FALEC: variants seen among roughly 807,000 people sequenced by gnomAD.
FALEC encodes focally amplified lncRNA on chromosome 1.
downstream of FALEC, among the ~76,000 whole-genome samples, chr1:150,522,904 CAT>C (rs1335307441): frequency 1.1e-3 from 81 of 72,108 alleles, 7 homozygotes; most frequent in African/African-American, 3.7e-3. Context: ...TATATATATA[CAT>C]ATATATACAT....
At chr1:150,522,090 C>CA (rs945012583), downstream of FALEC, among the ~76,000 whole-genome samples, 24 of 151,708 alleles carry the variant, frequency 1.6e-4, no homozygotes, top group African/African-American at 5.6e-4. Flanking sequence ...ACTAAAAATA[C>CA]AAAAAAATTA....
the FALEC span, among the ~76,000 whole-genome samples, chr1:150,529,016 C>CAAAAAAAAAAACAAA: frequency 3.4e-5 from 2 of 59,290 alleles, no homozygotes; most frequent in East Asian, 4.2e-4. Flanking sequence ...AAATAAATAG[C>CAAAAAAAAAAACAAA]AAAAAAAAAA....
downstream of FALEC, among the ~76,000 whole-genome samples, chr1:150,518,294 G>A (rs1412146013): frequency 1.3e-5 from 2 of 151,812 alleles, no homozygotes; most frequent in Non-Finnish European, 2.9e-5. Flanking sequence ...AGTTGTTTAG[G>A]CCAGAGAATA....
chr1:150,518,475 C>G (rs1289830567), downstream of FALEC, among the ~76,000 whole-genome samples: 2 of 151,718 alleles, frequency 1.3e-5, no homozygotes, highest in African/African-American at 4.8e-5. Context: ...ACCTGTGCCC[C>G]CTGGGTTCAA....
the FALEC span, among the ~76,000 whole-genome samples, chr1:150,527,522 G>T: frequency 5.9e-5 from 9 of 152,294 alleles, no homozygotes; most frequent in African/African-American, 2.2e-4. Flanking sequence ...GCCTCCCAAA[G>T]TGATGGGATT....
chr1:150,523,651 CAAAAA>C, the FALEC span, among the ~76,000 whole-genome samples: 4 of 109,010 alleles, frequency 3.7e-5, no homozygotes, highest in Non-Finnish European at 7.4e-5. Flanking sequence ...GAGACTCCGT[CAAAAA>C]AAAAAAAAAA....
At chr1:150,527,156 G>A in the FALEC span, among the ~76,000 whole-genome samples, 10 of 149,282 alleles carry the variant, frequency 6.7e-5, no homozygotes, top group Non-Finnish European at 1.0e-4. Context: ...GGTCAGGCTG[G>A]TCTCGAACTC....
At chr1:150,520,406 T>C (rs1186753749), downstream of FALEC, among the ~76,000 whole-genome samples, 1 of 152,182 alleles carries the variant, frequency 6.6e-6, no homozygotes, top group Admixed American at 6.6e-5. Context: ...TCATATAATG[T>C]GCCTATAATA....
chr1:150,526,999 G>A, the FALEC span, among the ~76,000 whole-genome samples: 13 of 149,464 alleles, frequency 8.7e-5, no homozygotes, highest in East Asian at 2.4e-3. Flanking sequence ...GCAGTGGTGC[G>A]ATCTCGGCTT....
intron 1 of FALEC, among the ~76,000 whole-genome samples, chr1:150,517,620 C>T (rs1369125667): frequency 1.3e-5 from 2 of 152,160 alleles, no homozygotes; most frequent in African/African-American, 4.8e-5. Context: ...TCTTCCTGCC[C>T]TGTGAGATAC....
the FALEC span, among the ~76,000 whole-genome samples, chr1:150,532,132 C>G: frequency 6.6e-6 from 1 of 152,208 alleles, no homozygotes; most frequent in East Asian, 1.9e-4. Flanking sequence ...TGGTCTTGAT[C>G]TCCTGACCTC....
At chr1:150,519,202 C>G (rs928315409), downstream of FALEC, among the ~76,000 whole-genome samples, 1 of 152,134 alleles carries the variant, frequency 6.6e-6, no homozygotes, top group Non-Finnish European at 1.5e-5. Flanking sequence ...TTCCTGATGA[C>G]GCCCTCCTCC....
the FALEC span, among the ~76,000 whole-genome samples, chr1:150,529,924 C>A: frequency 6.6e-6 from 1 of 151,918 alleles, no homozygotes; most frequent in East Asian, 1.9e-4. Flanking sequence ...ATGCAAAATG[C>A]GGTGTGTCTG....
upstream of FALEC, chr1:150,515,752 G>C (rs949044416): frequency 3.3e-5 from 5 of 152,436 alleles, no homozygotes; most frequent in African/African-American, 9.6e-5. Flanking sequence ...ATGTGCGGGC[G>C]TCCTGCGCAT....
At chr1:150,518,677 C>T (rs1040001410), downstream of FALEC, among the ~76,000 whole-genome samples, 30 of 151,818 alleles carry the variant, frequency 2.0e-4, no homozygotes, top group Non-Finnish European at 3.8e-4. Flanking sequence ...CGTGAGCCAC[C>T]GTGCCCAGCA....
the FALEC span, among the ~76,000 whole-genome samples, chr1:150,525,158 G>A: frequency 6.2e-4 from 95 of 152,124 alleles, 1 homozygote; most frequent in East Asian, 5.8e-4. Flanking sequence ...ATGGTGGCAC[G>A]CATCTGTAAT....
chr1:150,528,574 T>A, the FALEC span, among the ~76,000 whole-genome samples: 1 of 151,854 alleles, frequency 6.6e-6, no homozygotes, highest in Non-Finnish European at 1.5e-5. Context: ...GTAATTATTA[T>A]TACTATTAAT....
chr1:150,515,785 G>A (rs916195574), exon 1 of FALEC: 1 of 152,530 alleles, frequency 6.6e-6, no homozygotes, highest in East Asian at 1.9e-4. Flanking sequence ...CCAGGACAGA[G>A]GAACCGGGGG....
chr1:150,515,943 G>A (rs1463588788), exon 1 of FALEC: 2 of 152,388 alleles, frequency 1.3e-5, no homozygotes, highest in Non-Finnish European at 2.9e-5. Flanking sequence ...CGCAAGCGGA[G>A]ACTTGTCTTT....
Sources: gnomAD v4.1 joint callset for allele counts (sites outside exome capture counted in the v4.1 genomes callset) on GRCh38, gnomAD v4.1.1 for gene constraint, MANE v1.5 for transcripts, NCBI Gene and HGNC (gene_info 2026-07-23, HGNC 2026-07-21) for gene names.